MAP3K4: variants seen among roughly 807,000 people sequenced by gnomAD.
MAP3K4 encodes MAP three kinase 1.
A neutral mutation model predicts 185.6 loss-of-function variants in MAP3K4; 67 were observed. The observed-to-expected ratio is 0.36, with a 90% CI of 0.30 to 0.44. MAP3K4 has a LOEUF of 0.44. Ranked by LOEUF, MAP3K4 falls within the 20% of genes least tolerant of loss-of-function variation. The pLI, the probability that MAP3K4 is intolerant of heterozygous loss-of-function variation, is 1.00. For missense variants in MAP3K4, 1,551 were observed against 1,995.1 expected, an observed-to-expected ratio of 0.78 and a Z score of 4.24; for synonymous variants, 702 against 710.4, an observed-to-expected ratio of 0.99 and a Z score of 0.19.
At position 161,092,003 on chromosome 6, in the gene MAP3K4, C is replaced by G; in HGVS notation, c.3136-7C>G. On this transcript the variant is annotated splice_polypyrimidine_tract_variant and splice_region_variant and intron_variant, in intron 12 of 26. Transcript: ENST00000392142. ...TTAATGTTGATATACATGAAATCTTCTTACAGTATCATAAAGAAGTTGTTC... is the reference window on the plus strand; with the variant it reads ...TTAATGTTGATATACATGAAATCTTGTTACAGTATCATAAAGAAGTTGTTC... 6.2e-7 allele frequency: 1 copy of G among 1,607,082 alleles called. No individual in the cohort carries two copies. The highest frequency in any genetic ancestry group is 1.1e-5 in the South Asian group (1 of 90,904).
At position 160,996,493 on chromosome 6, in the gene MAP3K4, AATTCCTC is replaced by A. The variant is rs2115033479; in HGVS notation, c.152+4420_152+4426del. 6.6e-6 allele frequency among the ~76,000 whole-genome samples: 1 copy of A among 152,292 alleles called. No homozygotes were observed. Among genetic ancestry groups the A allele is most frequent in the Non-Finnish European group, 1.5e-5 (1 of 68,024 alleles). On this transcript the variant is annotated intron_variant, in intron 1 of 26. Coordinates refer to ENST00000392142, the MANE Select transcript of MAP3K4 (RefSeq NM_005922.4). The surrounding 1 kb of genome is among the most constrained non-coding windows in gnomAD (Gnocchi z 4.5). The stretch of plus-strand genomic sequence containing the variant: ...TTGTAATAACTTCCTGTTATTTAAT[AATTCCTC>A]ATTCCTCATGACTATGATTTTACTC...
chr6:161,018,967 G>T (rs893058325), intron 1 of MAP3K4, among the ~76,000 whole-genome samples: 2 of 152,168 alleles, frequency 1.3e-5, no homozygotes, highest in Non-Finnish European at 2.9e-5. Flanking sequence ...GTGAATTTAG[G>T]GATATAGCAG....
rs1014927924 is a variant in MAP3K4, at chr6:161,084,932, G to A, written c.2372+315G>A. 6.6e-6 allele frequency among the ~76,000 whole-genome samples: 1 copy of A among 152,100 alleles called. No individual in the cohort carries two copies. Among genetic ancestry groups the A allele is most frequent in the Non-Finnish European group, 1.5e-5 (1 of 68,018 alleles). On this transcript the variant is annotated intron_variant, in intron 7 of 26. Coordinates refer to ENST00000392142, the MANE Select transcript of MAP3K4 (RefSeq NM_005922.4). This position sits in a 1 kb window ranked among gnomAD's most constrained non-coding sequence, Gnocchi z 4.6. ...GAGGCCGAGGTGGGTGAATCACCAG[G>A]TCAGGAGTTCAAGACCAGCCTGGCC...
rs1784473988 is a variant in MAP3K4, at chr6:161,061,226, A to G, written c.1708-9382A>G. ...TCTGTGATACCAGGTGTGACAGAATATCAGATACTGACTATATTCCAAAAT... is the reference window on the plus strand; with the variant it reads ...TCTGTGATACCAGGTGTGACAGAATGTCAGATACTGACTATATTCCAAAAT... On this transcript the variant is annotated intron_variant, in intron 3 of 26. Coordinates refer to ENST00000392142, the MANE Select transcript of MAP3K4 (RefSeq NM_005922.4). The surrounding 1 kb of genome is among the most constrained non-coding windows in gnomAD (Gnocchi z 4.2). Among the ~76,000 whole-genome samples, 1 of 152,242 alleles carries G rather than the reference A, an allele frequency of 6.6e-6. No individual in the cohort carries two copies. The highest frequency in any genetic ancestry group is 1.5e-5 in the Non-Finnish European group (1 of 68,048).
In MAP3K4 at chr6:161,064,981, C is replaced by T. The variant is rs1784643525; in HGVS notation, c.1708-5627C>T. ...TTGGTGGATTTAAAGCAAGCAGGCACAAATTCCAGGAGGTCACGCTGTTAC... is the reference window on the plus strand; with the variant it reads ...TTGGTGGATTTAAAGCAAGCAGGCATAAATTCCAGGAGGTCACGCTGTTAC... On this transcript the variant is annotated intron_variant, in intron 3 of 26. Coordinates refer to ENST00000392142, the MANE Select transcript of MAP3K4 (RefSeq NM_005922.4). The surrounding 1 kb of genome is among the most constrained non-coding windows in gnomAD (Gnocchi z 4.3). 6.6e-6 allele frequency among the ~76,000 whole-genome samples: 1 copy of T among 152,272 alleles called. No homozygotes were observed. Among genetic ancestry groups the T allele is most frequent in the South Asian group, 2.1e-4 (1 of 4,828 alleles).
intron 1 of MAP3K4, among the ~76,000 whole-genome samples, chr6:161,005,895 C>T (rs192664969): frequency 2.0e-3 from 310 of 152,240 alleles, no homozygotes; most frequent in African/African-American, 7.0e-3. Context: ...TCAAGCAATT[C>T]TCCTGCCTCA....
rs1475584707 is a variant in MAP3K4, at chr6:161,080,544, T to A, written c.2098-337T>A. ...TGAAGATCCTAACCTCTTAAAGGAA[T>A]AATGTTGACAGTACATTCATAATGA... On this transcript the variant is annotated intron_variant, in intron 5 of 26. Transcript: ENST00000392142. The surrounding 1 kb of genome is among the most constrained non-coding windows in gnomAD (Gnocchi z 4.8). 2 of 281,782 alleles carry A rather than the reference T, an allele frequency of 7.1e-6. No individual in the cohort carries two copies. The highest frequency in any genetic ancestry group is 1.3e-5 in the Non-Finnish European group (2 of 148,722). 17.5% of individuals were successfully genotyped at this position (281,782 alleles called of 1,614,324 possible).
rs1783067712 is a variant in MAP3K4 at position 161,034,415 on chromosome 6, TGTG to T, written c.311_313del (p.Val104del). 1.2e-6 allele frequency: 2 copies of T among 1,613,880 alleles called. No homozygotes were observed. Among genetic ancestry groups the T allele is most frequent in the Admixed American group, 1.7e-5 (1 of 60,012 alleles). Reference sequence around the variant, plus strand: ...TGTCAACCAAACATCAGAGGAATAATGTGGGGAGGCCAGCCAGTCGGTCTAATT... The same window carrying T: ...TGTCAACCAAACATCAGAGGAATAATGGGAGGCCAGCCAGTCGGTCTAATT... On this transcript the variant is annotated inframe_deletion, in exon 2 of 27. Coordinates refer to ENST00000392142, the MANE Select transcript of MAP3K4 (RefSeq NM_005922.4). The surrounding 1 kb of genome is among the most constrained non-coding windows in gnomAD (Gnocchi z 4.4).
intron 3 of MAP3K4, among the ~76,000 whole-genome samples, chr6:161,060,637 T>TTTTTG (rs1491475882): frequency 7.4e-6 from 1 of 135,720 alleles, no homozygotes; most frequent in African/African-American, 3.0e-5. Context: ...TTTTTTTTTT[T>TTTTTG]GAGAAGGAGT....
chr6:161,012,885 A>G (rs1054173727), intron 1 of MAP3K4, among the ~76,000 whole-genome samples: 1 of 152,186 alleles, frequency 6.6e-6, no homozygotes, highest in Non-Finnish European at 1.5e-5. Flanking sequence ...TAAAAATATT[A>G]TAACATCATT....
chr6:161,107,079 CGCAGAA>C lies in MAP3K4; in HGVS notation c.4048+375_4048+380del, dbSNP rs796399151. ...ACACACACACACACACACACACACA[CGCAGAA>C]CGTGATTTGAAGAGAGACTGGATAC... On this transcript the variant is annotated intron_variant, in intron 20 of 26. Coordinates refer to ENST00000392142, the MANE Select transcript of MAP3K4 (RefSeq NM_005922.4). The surrounding 1 kb of genome is among the most constrained non-coding windows in gnomAD (Gnocchi z 6.2). Among the ~76,000 whole-genome samples the C allele has an allele frequency of 6.6e-6, 1 of 150,692 alleles. No homozygotes were observed.
Position 161,034,495 on chromosome 6 carries a change from C to A in MAP3K4, c.343+46C>A, listed in dbSNP as rs984492139. The A allele has an allele frequency of 3.5e-6, 5 of 1,417,656 alleles. No individual in the cohort carries two copies. The highest frequency in any genetic ancestry group is 4.8e-6 in the Non-Finnish European group (5 of 1,030,998). 87.8% of individuals were successfully genotyped at this position (1,417,656 alleles called of 1,614,324 possible). A position where few individuals can be genotyped will look rare whatever the true frequency, so the allele number is the denominator to read the frequency against. On this transcript the variant is annotated intron_variant, in intron 2 of 26. Transcript: ENST00000392142. This position sits in a 1 kb window ranked among gnomAD's most constrained non-coding sequence, Gnocchi z 4.4. ...GAGGTGTACATGAGAGGGTATGGCA[C>A]TTGATTGATTCTTTCAACAATAAAG...
chr6:161,002,319 T>A (rs1466784416), intron 1 of MAP3K4, among the ~76,000 whole-genome samples: 1 of 152,154 alleles, frequency 6.6e-6, no homozygotes, highest in Non-Finnish European at 1.5e-5. Flanking sequence ...TTTCATTTTT[T>A]AAATGTTATA....
rs946127006 is a variant in MAP3K4, at chr6:161,001,867, A to G, written c.152+9784A>G. Among the ~76,000 whole-genome samples the G allele has an allele frequency of 3.3e-5, 5 of 152,236 alleles. No homozygotes were observed. The South Asian group carries it at 1.0e-3, about 32-fold the overall frequency. On this transcript the variant is annotated intron_variant, in intron 1 of 26. Coordinates refer to ENST00000392142, the MANE Select transcript of MAP3K4 (RefSeq NM_005922.4). ...GTAAGTGCTCAGTATTAGCTGTTTT[A>G]TTACATTTCTCTTTCTTCCTCTTTT...
intron 1 of MAP3K4, among the ~76,000 whole-genome samples, chr6:161,013,968 T>G (rs544511644): frequency 1.2e-4 from 19 of 152,314 alleles, no homozygotes; most frequent in Non-Finnish European, 2.1e-4. Flanking sequence ...GTCCTCAGTT[T>G]GGTCTGGTGT....
At position 161,091,335 on chromosome 6, in the gene MAP3K4, A is replaced by G. The variant is rs1777297278; in HGVS notation, c.2974-44A>G. ...TCCTTTAAAATGTGGTAAGTATTGT[A>G]TGATTTGCTTCATTTTGCATTAATC... On this transcript the variant is annotated intron_variant, in intron 11 of 26. Transcript: ENST00000392142. The surrounding 1 kb of genome is among the most constrained non-coding windows in gnomAD (Gnocchi z 5.5). The G allele has an allele frequency of 1.9e-6, 3 of 1,553,338 alleles. No homozygotes were observed. The highest frequency in any genetic ancestry group is 2.6e-6 in the Non-Finnish European group (3 of 1,136,282).
intron 1 of MAP3K4, among the ~76,000 whole-genome samples, chr6:161,015,026 T>G (rs1034869099): frequency 6.6e-6 from 1 of 152,202 alleles, no homozygotes; most frequent in Non-Finnish European, 1.5e-5. Context: ...TGGGTTTTTT[T>G]GTGACTGGCT....
At chr6:161,045,716 A>G (rs755497217) in intron 2 of MAP3K4, among the ~76,000 whole-genome samples, 11 of 152,168 alleles carry the variant, frequency 7.2e-5, no homozygotes, top group Admixed American at 2.6e-4. Flanking sequence ...ACTCTCAACT[A>G]TTACTTTCCA....
chr6:161,106,849 T>C lies in MAP3K4; in HGVS notation c.4048+144T>C. ...GCATTGTTATCTTTTTGCAAAGTGG[T>C]CTGGATTTTTTTTGGTTGTTTAATT... On this transcript the variant is annotated intron_variant, in intron 20 of 26. Transcript: ENST00000392142. This position sits in a 1 kb window ranked among gnomAD's most constrained non-coding sequence, Gnocchi z 4.9. The C allele has an allele frequency of 3.6e-6, 2 of 554,052 alleles. No individual in the cohort carries two copies. Among genetic ancestry groups the C allele is most frequent in the Non-Finnish European group, 5.8e-6 (2 of 345,178 alleles). The allele number at this position is 554,052 out of a possible 1,614,324, so 34.3% of individuals were successfully genotyped here.
Sources: allele counts gnomAD v4.1 joint callset (sites outside exome capture counted in the v4.1 genomes callset), GRCh38; gene constraint gnomAD v4.1.1; non-coding constraint Gnocchi (gnomAD v3.1); transcripts MANE v1.5; gene names NCBI Gene and HGNC (gene_info 2026-07-23, HGNC 2026-07-21).